The following ZNF850 variants were observed in gnomAD, a reference collection of about 807,000 sequenced individuals.
ZNF850 encodes zinc finger protein 850.
A neutral mutation model predicts 11.9 loss-of-function variants in ZNF850; 2 were observed. That is an observed-to-expected ratio of 0.17 (90% CI 0.07 to 0.53). The LOEUF (loss-of-function observed/expected upper bound fraction) is 0.53. Among genes scored for constraint, ZNF850 ranks in the 20% least tolerant of loss-of-function variants. ZNF850 has a pLI of 0.94. For missense variants in ZNF850, 1,014 were observed against 1,316.4 expected, an observed-to-expected ratio of 0.77 and a Z score of 3.55; for synonymous variants, 381 against 443.0, an observed-to-expected ratio of 0.86 and a Z score of 1.76.
Position 36,749,072 on chromosome 19 carries a change from A to G in ZNF850, c.1968T>C (p.Ser656=), listed in dbSNP as rs2040433509. 6.2e-7 allele frequency: 1 copy of G among 1,605,016 alleles called. No homozygotes were observed. The highest frequency in any genetic ancestry group is 1.3e-5 in the African/African-American group (1 of 74,696). The part of the protein sequence containing the change: ...QCQECGKAFV[S]VSGLTQHHRI... ...TGTGATGTTGGGTGAGTCCTGAGAC[A>G]CTGACAAAGGCTTTCCCACATTCCT... Residue 656 remains serine (S), a synonymous_variant, in exon 5 of 5, where the codon AGT becomes AGC. Coordinates refer to ENST00000591344, the MANE Select transcript of ZNF850 (RefSeq NM_001193552.2).
rs1409529838 is a variant in ZNF850 at position 36,746,250 on chromosome 19, T to C, written c.*1517A>G. On this transcript the variant is annotated 3_prime_UTR_variant, in exon 5 of 5. Transcript: ENST00000591344. The stretch of plus-strand genomic sequence containing the variant: ...CAACAATATTTCAACTTTCTCATTG[T>C]TGTTATATCTGTTATGGTGGCCTAT... 3 of 152,248 alleles carry C rather than the reference T, an allele frequency of 2.0e-5. No individual in the cohort carries two copies. 9.4% of individuals were successfully genotyped at this position (152,248 alleles called of 1,614,324 possible).
Position 36,748,603 on chromosome 19 carries a change from A to G in ZNF850, c.2437T>C (p.Tyr813His), listed in dbSNP as rs1037498529. 3 of 1,537,210 alleles carry G rather than the reference A, an allele frequency of 2.0e-6. No homozygotes were observed. In the Admixed American group the frequency reaches 5.9e-5, roughly 30 times the overall value. ...HQPLHTGEKP[Y>H]HCKECGKSFT... ...GATTTCCCACATTCCTTGCAATGAT[A>G]AGGTTTCTCACCAGTGTGAAGTGGC... Residue 813 changes from tyrosine to histidine, a missense_variant, in exon 5 of 5, where the codon TAT (tyrosine) becomes CAT (histidine). Physicochemically the swap from Tyr to His is moderately conservative, Grantham distance 83 (BLOSUM62 2). Coordinates refer to ENST00000591344, the MANE Select transcript of ZNF850 (RefSeq NM_001193552.2).
Position 36,748,320 on chromosome 19 carries a change from C to A in ZNF850, c.2720G>T (p.Arg907Ile). ...ATGTTGAGTAAGTTTTGAACGACGT[C>A]TAAAGGCCTTGCCACATTCCTTACA... ...YDCKECGKAF[R>I]RRSKLTQHQR... Residue 907 changes from arginine (R) to isoleucine (I), a missense_variant, in exon 5 of 5, where the codon AGA (arginine) becomes ATA (isoleucine). Physicochemically the swap from Arg to Ile is moderately conservative, Grantham distance 97. Around this residue, in one of 2 missense-constraint regions of ZNF850, gnomAD observed 179 missense variants for 294.4 expected, o/e 0.61. Coordinates refer to ENST00000591344, the MANE Select transcript of ZNF850 (RefSeq NM_001193552.2). 6.3e-7 allele frequency: 1 copy of A among 1,589,694 alleles called. No individual in the cohort carries two copies.
intron 1 of ZNF850, among the ~76,000 whole-genome samples, chr19:36,766,609 C>T (rs1315137479): frequency 2.0e-5 from 3 of 152,148 alleles, no homozygotes; most frequent in African/African-American, 7.2e-5. Flanking sequence ...CAAACCTTTC[C>T]CCTCCGATCT....
intron 4 of ZNF850, among the ~76,000 whole-genome samples, chr19:36,757,353 C>T (rs1444058890): frequency 6.6e-6 from 1 of 151,682 alleles, no homozygotes; most frequent in Non-Finnish European, 1.5e-5. Context: ...AATAGTAATA[C>T]ATTTATGTTA....
intron 4 of ZNF850, among the ~76,000 whole-genome samples, chr19:36,757,933 T>A (rs2040496691): frequency 6.6e-6 from 1 of 152,082 alleles, no homozygotes; most frequent in Non-Finnish European, 1.5e-5. Flanking sequence ...GCAATCCTCC[T>A]GCCTCAGCCT....
chr19:36,771,080 T>C (rs965969035), intron 1 of ZNF850, among the ~76,000 whole-genome samples: 1 of 152,200 alleles, frequency 6.6e-6, no homozygotes. Context: ...TGCACTAATC[T>C]CTGCAGCAAT....
chr19:36,763,303 G>A lies in ZNF850; in HGVS notation c.-69-628C>T, dbSNP rs1337362233. 3.9e-5 allele frequency among the ~76,000 whole-genome samples: 6 copies of A among 152,272 alleles called. No individual in the cohort carries two copies. In the East Asian group the frequency reaches 1.2e-3, roughly 30 times the overall value. Reference sequence around the variant, plus strand: ...CACCTATAATCCCAACATTTTGGGAGGCCAAGGCGGATGGATCACCTGAGG... The same window carrying A: ...CACCTATAATCCCAACATTTTGGGAAGCCAAGGCGGATGGATCACCTGAGG... On this transcript the variant is annotated intron_variant, in intron 1 of 4. Transcript: ENST00000591344.
Position 36,748,790 on chromosome 19 carries a change from A to G in ZNF850, c.2250T>C (p.Ile750=). Residue 750 remains isoleucine, a synonymous_variant, in exon 5 of 5, where the codon ATT becomes ATC. Coordinates refer to ENST00000591344, the MANE Select transcript of ZNF850 (RefSeq NM_001193552.2). ...AATCATAGGGTTTCTCACCAGTGTG[A>G]ATTTGCTGATGTTGAATTAGTGTTG... ...SHSTLIQHQQ[I]HTGEKPYDCK... 1 of 1,552,096 alleles carries G rather than the reference A, an allele frequency of 6.4e-7. No homozygotes were observed. Among genetic ancestry groups the G allele is most frequent in the Non-Finnish European group, 8.7e-7 (1 of 1,153,760 alleles).
chr19:36,766,646 G>A (rs1244170046), intron 1 of ZNF850, among the ~76,000 whole-genome samples: 6 of 152,158 alleles, frequency 3.9e-5, no homozygotes, highest in Non-Finnish European at 8.8e-5. Flanking sequence ...CTTTAAGGAA[G>A]GGGGCTGTAT....
Position 36,748,716 on chromosome 19 carries a change from T to A in ZNF850, c.2324A>T (p.His775Leu). The change falls in exon 5 of 5, where the codon CAT (histidine) becomes CTT (leucine). Residue 775 changes from histidine (H) to leucine (L), a missense_variant. Physicochemically the swap from His to Leu is moderately conservative, Grantham distance 99 (BLOSUM62 -3). This residue lies in a region of ZNF850 where 835 missense variants were observed against 1,022.0 expected (regional missense o/e 0.82). Coordinates refer to ENST00000591344, the MANE Select transcript of ZNF850 (RefSeq NM_001193552.2). The stretch of plus-strand genomic sequence containing the variant: ...CTTCTCACCAGTGTGTATTTGCTGA[T>A]GTTGAATTAGTGTTGAGTGAGAAGT... ...SFTSHSTLIQ[H>L]QQIHTGEKLY... The A allele has an allele frequency of 6.5e-7, 1 of 1,539,944 alleles. No individual in the cohort carries two copies. Among genetic ancestry groups the A allele is most frequent in the Non-Finnish European group, 8.7e-7 (1 of 1,147,814 alleles).
chr19:36,765,200 T>A (rs955928156), intron 1 of ZNF850, among the ~76,000 whole-genome samples: 2 of 152,210 alleles, frequency 1.3e-5, no homozygotes, highest in African/African-American at 4.8e-5. Flanking sequence ...CTCCATTAGT[T>A]TCACTTTGGA....
chr19:36,747,681 G>T lies in ZNF850; in HGVS notation c.*86C>A. ...TAATTCTGGAAAAAGTGAATATGAA[G>T]TAATACACATCCATTGTATTTGACC... On this transcript the variant is annotated 3_prime_UTR_variant, in exon 5 of 5. Transcript: ENST00000591344. 46 of 1,133,536 alleles carry T rather than the reference G, an allele frequency of 4.1e-5. No individual in the cohort carries two copies. The highest frequency in any genetic ancestry group is 4.8e-5 in the Non-Finnish European group (40 of 833,042). The allele number at this position is 1,133,536 out of a possible 1,614,324, so 70.2% of individuals were successfully genotyped here. A position where few individuals can be genotyped will look rare whatever the true frequency, so the allele number is the denominator to read the frequency against.
At position 36,761,533 on chromosome 19, in the gene ZNF850, A is replaced by G. The variant is rs757954494; in HGVS notation, c.235+110T>C. The G allele has an allele frequency of 1.3e-5, 7 of 546,996 alleles. 1 individual carries two copies. The highest frequency in any genetic ancestry group is 1.9e-5 in the Non-Finnish European group (6 of 310,910). 33.9% of individuals were successfully genotyped at this position (546,996 alleles called of 1,614,324 possible). ...ATGTGTCTTAGGCCACCACCCTTAC[A>G]TGGGACCTTGAAGAAGAGACTCCTC... On this transcript the variant is annotated intron_variant, in intron 4 of 4. Coordinates refer to ENST00000591344, the MANE Select transcript of ZNF850 (RefSeq NM_001193552.2).
intron 4 of ZNF850, among the ~76,000 whole-genome samples, chr19:36,753,605 T>C (rs1351224893): frequency 1.3e-5 from 2 of 150,394 alleles, no homozygotes; most frequent in Non-Finnish European, 3.0e-5. Flanking sequence ...AAAAAAAAAT[T>C]ATGCATGATG....
chr19:36,762,565 A>G (rs1185749719), intron 2 of ZNF850, 30 bp downstream of exon 2: 1 of 1,535,868 alleles, frequency 6.5e-7, no homozygotes, highest in African/African-American at 1.4e-5. Flanking sequence ...GGGGAAGAGT[A>G]AAAAAATTAG....
chr19:36,762,701 A>G (rs1412794148), intron 1 of ZNF850, 26 bp from the exon 2 acceptor site: 7 of 1,295,990 alleles, frequency 5.4e-6, no homozygotes, highest in Non-Finnish European at 1.1e-6. Context: ...ACACATTGAT[A>G]TATTATTTCC....
At position 36,748,401 on chromosome 19, in the gene ZNF850, A is replaced by C; in HGVS notation, c.2639T>G (p.Phe880Cys). 6.5e-7 allele frequency: 1 copy of C among 1,544,160 alleles called. No individual in the cohort carries two copies. The highest frequency in any genetic ancestry group is 8.7e-7 in the Non-Finnish European group (1 of 1,147,310). Residue 880 changes from phenylalanine (F) to cysteine (C), a missense_variant, in exon 5 of 5, where the codon TTT becomes TGT. Around this residue, in one of 2 missense-constraint regions of ZNF850, gnomAD observed 179 missense variants for 294.4 expected, o/e 0.61. Transcript: ENST00000591344. ...CCGATGTTGGATTATTGCTGAGCGA[A>C]AAGCAAAAGATTTTCCACATTCCTT... ...HCKECGKSFA[F>C]RSAIIQHRRI...
intron 4 of ZNF850, among the ~76,000 whole-genome samples, chr19:36,751,958 C>T (rs780479816): frequency 6.6e-6 from 1 of 152,076 alleles, no homozygotes; most frequent in Non-Finnish European, 1.5e-5. Context: ...AAGTCTAAAA[C>T]TATCCTAAAA....
Sources: allele counts gnomAD v4.1 joint callset (sites outside exome capture counted in the v4.1 genomes callset), GRCh38; gene constraint gnomAD v4.1.1; regional missense constraint gnomAD v4.1.1; transcripts MANE v1.5; gene names NCBI Gene and HGNC (gene_info 2026-07-23, HGNC 2026-07-21).